Variants in DLG2 observed in about 807,000 individuals in gnomAD.
DLG2 encodes disks large homolog 2.
In DLG2, 45 loss-of-function variants were observed where a neutral mutation model predicts 132.5. That is an observed-to-expected ratio of 0.34 (90% CI 0.27 to 0.44). The LOEUF (loss-of-function observed/expected upper bound fraction) is 0.44. Ranked by LOEUF, DLG2 falls within the 20% of genes least tolerant of loss-of-function variation. The pLI, the probability that DLG2 is intolerant of heterozygous loss-of-function variation, is 1.00. For missense variants in DLG2, 1,045 were observed against 1,196.9 expected, an observed-to-expected ratio of 0.87 and a Z score of 1.87; for synonymous variants, 424 against 419.6, an observed-to-expected ratio of 1.01 and a Z score of -0.13.
chr11:83,722,701 TAAC>T (rs1276096043), intron 18 of DLG2, among the ~76,000 whole-genome samples: 1 of 152,150 alleles, frequency 6.6e-6, no homozygotes, highest in Non-Finnish European at 1.5e-5. Context: ...CTTGAAATGC[TAAC>T]AAGTGCCACC....
chr11:85,319,918 C>A (rs1459449211), intron 3 of DLG2, among the ~76,000 whole-genome samples: 1 of 151,828 alleles, frequency 6.6e-6, no homozygotes, highest in Non-Finnish European at 1.5e-5. Context: ...AAGTTTACAG[C>A]TTGGCTATTT....
At chr11:85,312,832 T>C (rs1347142498) in intron 3 of DLG2, among the ~76,000 whole-genome samples, 1 of 152,046 alleles carries the variant, frequency 6.6e-6, no homozygotes, top group East Asian at 1.9e-4. Flanking sequence ...ATTAAATTGA[T>C]GGATGTGGCT....
At chr11:83,988,404 G>A (rs2093482530) in intron 11 of DLG2, among the ~76,000 whole-genome samples, 1 of 151,900 alleles carries the variant, frequency 6.6e-6, no homozygotes, top group Admixed American at 6.6e-5. Context: ...GCTCTTTTTT[G>A]GTTCCATAAG....
intron 9 of DLG2, among the ~76,000 whole-genome samples, chr11:84,139,055 T>C (rs983739608): frequency 2.0e-5 from 3 of 152,188 alleles, no homozygotes; most frequent in African/African-American, 7.2e-5. Context: ...TTTTTCCTTT[T>C]ATCAGGTTTG....
At chr11:84,439,407 G>GT (rs779018240) in intron 7 of DLG2, among the ~76,000 whole-genome samples, 10 of 152,158 alleles carry the variant, frequency 6.6e-5, no homozygotes, top group Non-Finnish European at 1.3e-4. Flanking sequence ...AAAGTCAACA[G>GT]TGGTACCCCT....
At chr11:85,243,408 TA>T (rs2075986892) in intron 4 of DLG2, among the ~76,000 whole-genome samples, 1 of 152,008 alleles carries the variant, frequency 6.6e-6, no homozygotes, top group African/African-American at 2.4e-5. Flanking sequence ...AGCTGACATT[TA>T]ATAAATAATT....
intron 18 of DLG2, among the ~76,000 whole-genome samples, chr11:83,709,026 C>G (rs1004837773): frequency 6.6e-6 from 1 of 152,078 alleles, no homozygotes; most frequent in Non-Finnish European, 1.5e-5. Flanking sequence ...GGGGAACAAG[C>G]AGAGTCCACT....
chr11:84,756,266 TGTAAA>T (rs1333810731), intron 6 of DLG2, among the ~76,000 whole-genome samples: 2 of 152,322 alleles, frequency 1.3e-5, no homozygotes, highest in African/African-American at 4.8e-5. Flanking sequence ...AATAAGTGGT[TGTAAA>T]GTCTCTTGCA....
chr11:85,204,971 A>T (rs765600688), intron 4 of DLG2, among the ~76,000 whole-genome samples: 21 of 152,222 alleles, frequency 1.4e-4, no homozygotes, highest in Non-Finnish European at 2.4e-4. Context: ...AGAAAAGTGG[A>T]TATCCACACG....
intron 14 of DLG2, among the ~76,000 whole-genome samples, chr11:83,936,712 G>T (rs114091905): frequency 6.6e-6 from 1 of 152,084 alleles, no homozygotes; most frequent in Non-Finnish European, 1.5e-5. Context: ...AAAAGTGTTT[G>T]GGTTTCAACA....
intron 6 of DLG2, among the ~76,000 whole-genome samples, chr11:84,825,040 T>C (rs1280820904): frequency 6.6e-6 from 1 of 151,850 alleles, no homozygotes; most frequent in East Asian, 2.0e-4. Context: ...AAATCCTACT[T>C]ATTACCATTA....
chr11:84,480,059 T>G (rs1037891774), intron 7 of DLG2, among the ~76,000 whole-genome samples: 3 of 152,196 alleles, frequency 2.0e-5, no homozygotes, highest in African/African-American at 7.2e-5. Context: ...AAGAAATGTT[T>G]TGCTTACATT....
rs369187734 is a variant in DLG2, at chr11:84,428,124, C to A, written c.519+106446G>T. 3.3e-5 allele frequency among the ~76,000 whole-genome samples: 5 copies of A among 152,170 alleles called. No homozygotes were observed. The East Asian group carries it at 9.6e-4, about 29-fold the overall frequency. ...CAACTATAAAGACAACCAAAGCTAT[C>A]CTCCAAAAGCATTTCATTCATTCCC... On this transcript the variant is annotated intron_variant, in intron 7 of 27. Transcript: ENST00000376104.
At chr11:84,672,345 G>A (rs1444436737) in intron 6 of DLG2, among the ~76,000 whole-genome samples, 1 of 152,104 alleles carries the variant, frequency 6.6e-6, no homozygotes, top group Non-Finnish European at 1.5e-5. Context: ...AGGGTACGTA[G>A]AAGCATATCT....
rs919382295 is a variant in DLG2, at chr11:85,408,858, C to T, written c.41-123493G>A. On this transcript the variant is annotated intron_variant, in intron 3 of 27. Transcript: ENST00000376104. Reference sequence around the variant, plus strand: ...TGTGAATAATGCCACAATAAACATACGTGTGCATGTGTCTTTATAGCAGCA... The same window carrying T: ...TGTGAATAATGCCACAATAAACATATGTGTGCATGTGTCTTTATAGCAGCA... Among the ~76,000 whole-genome samples, 8 of 151,576 alleles carry T rather than the reference C, an allele frequency of 5.3e-5. No homozygotes were observed. The East Asian group carries it at 5.9e-4, about 11-fold the overall frequency.
intron 12 of DLG2, among the ~76,000 whole-genome samples, chr11:83,973,395 A>G (rs555806757): frequency 6.6e-6 from 1 of 152,262 alleles, no homozygotes; most frequent in East Asian, 1.9e-4. Context: ...ACATTGTATT[A>G]TAACTTATTA....
At chr11:83,517,316 C>T (rs1178105595) in intron 21 of DLG2, among the ~76,000 whole-genome samples, 3 of 152,294 alleles carry the variant, frequency 2.0e-5, no homozygotes, top group Middle Eastern at 6.8e-3. Context: ...ATCGAATTGG[C>T]TACTGAGGCT....
At chr11:85,429,968 A>G (rs565171402) in intron 3 of DLG2, among the ~76,000 whole-genome samples, 2 of 152,174 alleles carry the variant, frequency 1.3e-5, no homozygotes, top group East Asian at 1.9e-4. Flanking sequence ...CAAATGTCCA[A>G]CAATGATAGA....
At chr11:84,206,837 A>T (rs959681777) in intron 8 of DLG2, among the ~76,000 whole-genome samples, 1 of 152,126 alleles carries the variant, frequency 6.6e-6, no homozygotes, top group African/African-American at 2.4e-5. Context: ...CAGATGACAC[A>T]ACTTTATATG....
Sources: allele counts gnomAD v4.1 joint callset (sites outside exome capture counted in the v4.1 genomes callset), GRCh38; gene constraint gnomAD v4.1.1; transcripts MANE v1.5; gene names NCBI Gene and HGNC (gene_info 2026-07-23, HGNC 2026-07-21).